Variants in CADM2 observed in about 807,000 individuals in gnomAD.
The protein encoded by CADM2 is cell adhesion molecule 2.
In CADM2, 12 loss-of-function variants were observed where a neutral mutation model predicts 49.8. That is an observed-to-expected ratio of 0.24 (90% CI 0.15 to 0.39). CADM2 has a LOEUF of 0.39. Among genes scored for constraint, CADM2 ranks in the 10% least tolerant of loss-of-function variants. The pLI is 1.00. For missense variants in CADM2, 378 were observed against 492.3 expected (o/e 0.77, Z 2.20); for synonymous variants, 214 against 175.4 (o/e 1.22, Z -1.74).
intron 3 of CADM2, among the ~76,000 whole-genome samples, chr3:85,838,139 G>T (rs1164675870): frequency 6.6e-6 from 1 of 151,770 alleles, no homozygotes; most frequent in Admixed American, 6.6e-5. Flanking sequence ...AGTGGTTAAA[G>T]AACCATCACT....
At chr3:85,036,697 C>T (rs2035227417) in intron 1 of CADM2, among the ~76,000 whole-genome samples, 1 of 152,066 alleles carries the variant, frequency 6.6e-6, no homozygotes, top group Non-Finnish European at 1.5e-5. Flanking sequence ...GCAAAAACTA[C>T]AATTACTTTT....
chr3:85,772,010 T>TTG (rs1035524242), intron 2 of CADM2, among the ~76,000 whole-genome samples: 3 of 84,834 alleles, frequency 3.5e-5, no homozygotes, highest in Non-Finnish European at 8.3e-5. Context: ...CTTTCTTTCT[T>TTG]TTTTTTTTTT....
intron 1 of CADM2, among the ~76,000 whole-genome samples, chr3:85,327,554 CCA>C (rs71108276): frequency 3.7e-3 from 509 of 137,012 alleles, no homozygotes; most frequent in Middle Eastern, 0.018. Context: ...CCATGCCCGG[CCA>C]CACACACACA....
At chr3:86,012,586 A>G (rs897067067) in intron 8 of CADM2, 18 of 1,567,008 alleles carry the variant, frequency 1.1e-5, no homozygotes, top group Admixed American at 5.4e-5. Flanking sequence ...GCTGCCCCCA[A>G]CTGCACGCGA....
At chr3:85,769,239 C>T (rs1326072451) in intron 2 of CADM2, among the ~76,000 whole-genome samples, 1 of 117,712 alleles carries the variant, frequency 8.5e-6, no homozygotes, top group Admixed American at 1.0e-4. Context: ...CACATATACA[C>T]ATATATACAT....
chr3:85,860,049 T>C (rs1480197656), intron 3 of CADM2, among the ~76,000 whole-genome samples: 3 of 152,296 alleles, frequency 2.0e-5, no homozygotes, highest in African/African-American at 7.2e-5. Context: ...ACCTATTATA[T>C]CTTTAGCTCA....
intron 3 of CADM2, among the ~76,000 whole-genome samples, chr3:85,846,889 T>C (rs555776609): frequency 3.4e-4 from 52 of 152,198 alleles, no homozygotes; most frequent in African/African-American, 1.2e-3. Context: ...ATATAAGATT[T>C]TGCGTCTATT....
At chr3:85,295,227 A>G (rs559998004) in intron 1 of CADM2, among the ~76,000 whole-genome samples, 9,999 of 152,116 alleles carry the variant, frequency 0.066, 1,072 homozygotes, top group African/African-American at 0.23. Context: ...AATGCAAATC[A>G]AAACCACAAT....
intron 8 of CADM2, among the ~76,000 whole-genome samples, chr3:85,978,413 T>A (rs987950136): frequency 6.6e-6 from 1 of 151,634 alleles, no homozygotes; most frequent in East Asian, 1.9e-4. Flanking sequence ...ATATGTTCAG[T>A]AACCCCTCCT....
chr3:85,435,533 G>A (rs911429407), intron 1 of CADM2, among the ~76,000 whole-genome samples: 1 of 152,152 alleles, frequency 6.6e-6, no homozygotes, highest in Non-Finnish European at 1.5e-5. Flanking sequence ...TATATACCCA[G>A]TAATGGGATT....
At position 85,626,088 on chromosome 3, in the gene CADM2, G is replaced by T. The variant is rs141693092; in HGVS notation, c.62-100434G>T. Among the ~76,000 whole-genome samples the T allele has an allele frequency of 4.8e-3, 728 of 152,002 alleles. 3 individuals carry two copies. The highest frequency in any genetic ancestry group is 0.011 in the South Asian group (52 of 4,820). Reference sequence around the variant, plus strand: ...TTTTCAGATTTTTAACAGGCACTTAGAAATTAGTAATTTACTGATAATAGA... The same window carrying T: ...TTTTCAGATTTTTAACAGGCACTTATAAATTAGTAATTTACTGATAATAGA... On this transcript the variant is annotated intron_variant, in intron 1 of 9. Transcript: ENST00000383699.
intron 1 of CADM2, among the ~76,000 whole-genome samples, chr3:85,572,367 G>C (rs2062504946): frequency 6.6e-6 from 1 of 152,242 alleles, no homozygotes; most frequent in Admixed American, 6.5e-5. Flanking sequence ...AGGCATAAAA[G>C]TTTGTATACT....
chr3:85,105,708 T>C (rs1284088651), intron 1 of CADM2, among the ~76,000 whole-genome samples: 2 of 152,180 alleles, frequency 1.3e-5, no homozygotes, highest in Non-Finnish European at 2.9e-5. Flanking sequence ...TGTCCAACAA[T>C]GATAGACTGG....
At chr3:85,569,675 G>GT in intron 1 of CADM2, among the ~76,000 whole-genome samples, 1 of 133,460 alleles carries the variant, frequency 7.5e-6, no homozygotes, top group African/African-American at 2.7e-5. Context: ...TTAGATCAAT[G>GT]TTTTTTAGAG....
intron 8 of CADM2, among the ~76,000 whole-genome samples, chr3:86,046,222 T>A (rs1176847380): frequency 6.6e-6 from 1 of 152,234 alleles, no homozygotes; most frequent in Non-Finnish European, 1.5e-5. Context: ...GCTTCTTACA[T>A]GCTTCCAGTT....
intron 1 of CADM2, among the ~76,000 whole-genome samples, chr3:85,097,494 T>A (rs1467006089): frequency 6.6e-6 from 1 of 152,244 alleles, no homozygotes; most frequent in East Asian, 1.9e-4. Context: ...GCATGATTTA[T>A]AATCCTTTGG....
At chr3:85,327,150 A>G (rs2044776215) in intron 1 of CADM2, among the ~76,000 whole-genome samples, 1 of 151,958 alleles carries the variant, frequency 6.6e-6, no homozygotes. Context: ...ATTCTATCCT[A>G]CAATTCTAAG....
intron 1 of CADM2, among the ~76,000 whole-genome samples, chr3:85,606,205 CAATG>C (rs1181549481): frequency 2.6e-5 from 4 of 152,062 alleles, no homozygotes; most frequent in African/African-American, 9.7e-5. Context: ...GCTGTTAACT[CAATG>C]AGTGTCTTAA....
chr3:86,065,636 T>C lies in CADM2; in HGVS notation c.1002T>C (p.Pro334=). The part of the protein sequence containing the change: ...DPNALAGQNG[P]DHALIGGIVA... ...ATGCTTTGGCTGGCCAGAATGGCCC[T>C]GACCATGCTCTCATAGGAGGAATAG... The change falls in exon 9 of 10, where the codon CCT becomes CCC. Residue 334 remains proline (P), a synonymous_variant. Transcript: ENST00000383699. 6.2e-7 allele frequency: 1 copy of C among 1,613,944 alleles called. No homozygotes were observed. Among genetic ancestry groups the C allele is most frequent in the Non-Finnish European group, 8.5e-7 (1 of 1,179,882 alleles).
Sources: gnomAD v4.1 joint callset for allele counts (sites outside exome capture counted in the v4.1 genomes callset) on GRCh38, gnomAD v4.1.1 for gene constraint, MANE v1.5 for transcripts, NCBI Gene and HGNC (gene_info 2026-07-23, HGNC 2026-07-21) for gene names.